Variants in CNBD1 observed in about 807,000 individuals in gnomAD.
CNBD1 encodes the protein cyclic nucleotide-binding domain-containing protein 1.
A neutral mutation model predicts 54.4 loss-of-function variants in CNBD1; 71 were observed. The ratio of observed to expected loss-of-function variants is 1.30; its 90% CI spans 1.08 to 1.59. The LOEUF is 1.59. CNBD1 is among the 40% of genes most tolerant of loss of function. The pLI, the probability that CNBD1 is intolerant of heterozygous loss-of-function variation, is 0.00. For missense variants in CNBD1, 659 were observed against 518.0 expected, an observed-to-expected ratio of 1.27 and a Z score of -2.64; for synonymous variants, 182 against 170.7, an observed-to-expected ratio of 1.07 and a Z score of -0.51.
intron 8 of CNBD1, among the ~76,000 whole-genome samples, chr8:87,295,413 T>A (rs1055130653): frequency 6.6e-6 from 1 of 151,690 alleles, no homozygotes; most frequent in Non-Finnish European, 1.5e-5. Flanking sequence ...GTTAAAGTAC[T>A]GCTTATTTAA....
intron 4 of CNBD1, among the ~76,000 whole-genome samples, chr8:86,979,905 A>T (rs1216247516): frequency 1.3e-5 from 2 of 152,186 alleles, no homozygotes; most frequent in Non-Finnish European, 1.5e-5. Context: ...ATGTTGTTGA[A>T]AAATGTGACA....
At chr8:87,316,738 A>G (rs75744921) in intron 8 of CNBD1, among the ~76,000 whole-genome samples, 7,299 of 151,986 alleles carry the variant, frequency 0.048, 222 homozygotes, top group Non-Finnish European at 0.06. Context: ...TCATAAGCAG[A>G]CGTATAAGGA....
chr8:87,142,016 A>T (rs962421103), intron 4 of CNBD1, among the ~76,000 whole-genome samples: 2 of 152,178 alleles, frequency 1.3e-5, no homozygotes, highest in African/African-American at 2.4e-5. Context: ...CATAAAATAC[A>T]TTGGAACATT....
At chr8:87,388,781 G>T (rs867750004) in intron 2 of CNBD1, among the ~76,000 whole-genome samples, 8 of 151,942 alleles carry the variant, frequency 5.3e-5, no homozygotes, top group East Asian at 1.9e-4. Context: ...TACCAAAGCC[G>T]GGCAGAGACA....
At chr8:87,381,559 G>A (rs539545834) in intron 10 of CNBD1, among the ~76,000 whole-genome samples, 1 of 152,058 alleles carries the variant, frequency 6.6e-6, no homozygotes, top group East Asian at 1.9e-4. Flanking sequence ...GGATCTCAAA[G>A]AGATATTAGC....
At chr8:87,119,117 T>C (rs2130713522) in intron 4 of CNBD1, among the ~76,000 whole-genome samples, 1 of 152,248 alleles carries the variant, frequency 6.6e-6, no homozygotes, top group Non-Finnish European at 1.5e-5. Flanking sequence ...GATTTTTTTT[T>C]CTAATTTTAT....
chr8:87,192,448 A>G (rs999779859), intron 4 of CNBD1, among the ~76,000 whole-genome samples: 6 of 152,184 alleles, frequency 3.9e-5, no homozygotes, highest in Non-Finnish European at 7.3e-5. Context: ...TGTAGGGGCT[A>G]AAGTGGATGG....
chr8:86,989,122 A>G (rs908856013), intron 4 of CNBD1, among the ~76,000 whole-genome samples: 3 of 152,080 alleles, frequency 2.0e-5, no homozygotes, highest in Non-Finnish European at 4.4e-5. Context: ...CATTAAAAAA[A>G]TCAGCCAGGC....
intron 4 of CNBD1, among the ~76,000 whole-genome samples, chr8:87,097,487 C>G (rs1453966668): frequency 1.3e-5 from 2 of 152,166 alleles, no homozygotes; most frequent in African/African-American, 2.4e-5. Flanking sequence ...TGTTTCTTCA[C>G]TTGACAAGCA....
intron 4 of CNBD1, among the ~76,000 whole-genome samples, chr8:86,980,399 C>A (rs527618686): frequency 6.6e-6 from 1 of 152,192 alleles, no homozygotes; most frequent in Non-Finnish European, 1.5e-5. Context: ...CACATTTATC[C>A]ACTTCCTTAG....
At chr8:87,361,689 A>AATATATATATATATATATATATAT (rs71277937) in intron 10 of CNBD1, among the ~76,000 whole-genome samples, 10 of 143,456 alleles carry the variant, frequency 7.0e-5, no homozygotes, top group African/African-American at 2.6e-4. Context: ...TAGTTGGATG[A>AATATATATATATATATATATATAT]ATATATATAT....
chr8:87,378,610 T>C (rs573323335), intron 10 of CNBD1, among the ~76,000 whole-genome samples: 12 of 149,138 alleles, frequency 8.0e-5, no homozygotes, highest in African/African-American at 2.0e-4. Flanking sequence ...TTTGTTCTTT[T>C]GGCTTAGGAT....
chr8:87,085,162 A>G (rs952726854), intron 4 of CNBD1, among the ~76,000 whole-genome samples: 5 of 152,062 alleles, frequency 3.3e-5, no homozygotes, highest in East Asian at 1.9e-4. Flanking sequence ...ATGGTTTGCA[A>G]TTCATCCACA....
At chr8:86,885,849 C>T (rs1808673924) in intron 1 of CNBD1, among the ~76,000 whole-genome samples, 2 of 152,176 alleles carry the variant, frequency 1.3e-5, no homozygotes, top group South Asian at 2.1e-4. Flanking sequence ...TCCAAGCCTA[C>T]TATGAAGCCT....
At chr8:86,943,824 G>T (rs77842398) in intron 4 of CNBD1, among the ~76,000 whole-genome samples, 9 of 152,108 alleles carry the variant, frequency 5.9e-5, no homozygotes, top group African/African-American at 1.7e-4. Context: ...AAAAGGGAAG[G>T]GGGGACAGAT....
chr8:87,302,339 C>A (rs1809021394), intron 8 of CNBD1, among the ~76,000 whole-genome samples: 1 of 152,134 alleles, frequency 6.6e-6, no homozygotes, highest in South Asian at 2.1e-4. Context: ...TCAACATATG[C>A]AAATCAATGA....
rs190544049 is a variant in CNBD1 at position 87,341,573 on chromosome 8, T to G, written c.1043-10112T>G. Among the ~76,000 whole-genome samples, 588 of 152,346 alleles carry G rather than the reference T, an allele frequency of 3.9e-3. 8 individuals are homozygous for G. Among genetic ancestry groups the G allele is most frequent in the African/African-American group, 0.013 (555 of 41,586 alleles). On this transcript the variant is annotated intron_variant, in intron 8 of 10. Transcript: ENST00000518476. ...AAATGTTATTGCTGTTGTAATAGTA[T>G]TAAGAGGTGGAATGTTTAAGAAGTA... is the stretch of plus-strand genomic sequence containing the variant.
chr8:87,385,331 C>A (rs1403273409), downstream of CNBD1, among the ~76,000 whole-genome samples: 3 of 151,876 alleles, frequency 2.0e-5, no homozygotes, highest in Admixed American at 1.3e-4. Flanking sequence ...CATCGCCTCA[C>A]CCGGGAAGGG....
chr8:87,320,233 G>T (rs1809490321), intron 8 of CNBD1, among the ~76,000 whole-genome samples: 1 of 151,914 alleles, frequency 6.6e-6, no homozygotes, highest in African/African-American at 2.4e-5. Context: ...TTATATTTCA[G>T]GCTTTGTTAA....
Sources: gnomAD v4.1 joint callset for allele counts (sites outside exome capture counted in the v4.1 genomes callset) on GRCh38, gnomAD v4.1.1 for gene constraint, MANE v1.5 for transcripts, NCBI Gene and HGNC (gene_info 2026-07-23, HGNC 2026-07-21) for gene names.